MRLN: variants seen among roughly 807,000 people sequenced by gnomAD.
MRLN encodes the protein Linc-RNA activator of myogenesis.
At chr10:59,739,985 G>T (rs1840964880) in intron 1 of MRLN, among the ~76,000 whole-genome samples, 1 of 152,076 alleles carries the variant, frequency 6.6e-6, no homozygotes, top group Non-Finnish European at 1.5e-5. Flanking sequence ...CCAGCTACTT[G>T]GGAGGCTGAG....
Position 59,737,056 on chromosome 10 carries a change from C to G in MRLN, c.*4G>C. ...GAAATGTACATGGAAAGGAAGTCAGCTTTCTAAGAAGTTATCACAACATAT... is the reference window on the plus strand; with the variant it reads ...GAAATGTACATGGAAAGGAAGTCAGGTTTCTAAGAAGTTATCACAACATAT... On this transcript the variant is annotated 3_prime_UTR_variant, in exon 3 of 3. Coordinates refer to ENST00000414264, the MANE Select transcript of MRLN (RefSeq NM_001304731.2). 1 of 395,738 alleles carries G rather than the reference C, an allele frequency of 2.5e-6. No individual in the cohort carries two copies. The highest frequency in any genetic ancestry group is 4.4e-5 in the Admixed American group (1 of 22,646). The allele number at this position is 395,738 out of a possible 1,614,324, so 24.5% of individuals were successfully genotyped here.
intron 1 of MRLN, among the ~76,000 whole-genome samples, chr10:59,740,808 T>TTTC (rs1840975951): frequency 2.2e-5 from 3 of 139,418 alleles, no homozygotes; most frequent in African/African-American, 2.8e-5. Context: ...TTCTTTCTTT[T>TTTC]TTTTTTGAGA....
chr10:59,740,377 T>C (rs1840969509), intron 1 of MRLN, among the ~76,000 whole-genome samples: 2 of 152,188 alleles, frequency 1.3e-5, no homozygotes, highest in Admixed American at 1.3e-4. Context: ...AAAAGTTAAC[T>C]GTAAAACAGC....
intron 1 of MRLN, among the ~76,000 whole-genome samples, chr10:59,740,868 G>A (rs1319163343): frequency 2.0e-5 from 3 of 150,746 alleles, no homozygotes; most frequent in Admixed American, 1.3e-4. Flanking sequence ...CGCGATCTCA[G>A]CACACTGCAA....
chr10:59,751,122 G>A (rs1418987908), intron 1 of MRLN, among the ~76,000 whole-genome samples: 3 of 152,142 alleles, frequency 2.0e-5, no homozygotes, highest in Admixed American at 6.5e-5. Flanking sequence ...GTGCAGATCT[G>A]ATTTCTGAAA....
chr10:59,743,275 T>C (rs1841004250), intron 1 of MRLN, among the ~76,000 whole-genome samples: 1 of 148,602 alleles, frequency 6.7e-6, no homozygotes, highest in Non-Finnish European at 1.5e-5. Context: ...ATTGCCTATA[T>C]AACTTCAGAA....
chr10:59,743,947 A>T (rs900392858), intron 1 of MRLN, among the ~76,000 whole-genome samples: 4 of 152,176 alleles, frequency 2.6e-5, no homozygotes, highest in African/African-American at 9.7e-5. Flanking sequence ...TTGTAGACGG[A>T]GTCTGGCTCA....
At chr10:59,746,286 C>A (rs1841043459) in intron 1 of MRLN, among the ~76,000 whole-genome samples, 1 of 152,032 alleles carries the variant, frequency 6.6e-6, no homozygotes, top group South Asian at 2.1e-4. Context: ...GAAATCTGTC[C>A]ACTTTTGCTT....
Sources: allele counts gnomAD v4.1 joint callset (sites outside exome capture counted in the v4.1 genomes callset), GRCh38; gene constraint gnomAD v4.1.1; transcripts MANE v1.5; gene names NCBI Gene and HGNC (gene_info 2026-07-23, HGNC 2026-07-21).